The following HAVCR1 variants were observed in gnomAD, a reference collection of about 807,000 sequenced individuals.
The protein encoded by HAVCR1 is hepatitis A virus cellular receptor 1, also known as T cell immunoglobin domain and mucin domain protein 1.
A neutral mutation model predicts 32.0 loss-of-function variants in HAVCR1; 34 were observed. The observed-to-expected ratio is 1.06, with a 90% CI of 0.81 to 1.42. The LOEUF is 1.42. HAVCR1 is among the 40% of genes most tolerant of loss of function. The pLI is 0.00. For missense variants in HAVCR1, 420 were observed against 442.3 expected (o/e 0.95, Z 0.45); for synonymous variants, 178 against 170.3 (o/e 1.05, Z -0.35).
intron 5 of HAVCR1, among the ~76,000 whole-genome samples, chr5:157,044,367 A>C (rs1178459971): frequency 2.3e-5 from 2 of 86,132 alleles, no homozygotes; most frequent in East Asian, 6.7e-4. Context: ...GAAAGAAAGG[A>C]CGAAGGAAGG....
chr5:157,047,487 T>G (rs1755473773), intron 5 of HAVCR1, among the ~76,000 whole-genome samples: 1 of 151,798 alleles, frequency 6.6e-6, no homozygotes, highest in Non-Finnish European at 1.5e-5. Flanking sequence ...GGAGCAGAGG[T>G]TGCAGTGAGC....
chr5:157,046,937 C>T (rs1466203269), intron 5 of HAVCR1, among the ~76,000 whole-genome samples: 1 of 152,128 alleles, frequency 6.6e-6, no homozygotes, highest in Non-Finnish European at 1.5e-5. Flanking sequence ...TAGCTATCAA[C>T]ATGAATTTGG....
intron 7 of HAVCR1, 55 bp from the exon 8 acceptor site, chr5:157,032,942 AAG>A (rs1273369813): frequency 9.5e-7 from 1 of 1,047,144 alleles, no homozygotes; most frequent in African/African-American, 1.6e-5. Flanking sequence ...ACATCTCAGC[AAG>A]AGTTTTAATC....
the HAVCR1 span, among the ~76,000 whole-genome samples, chr5:157,064,286 G>A: frequency 6.7e-6 from 1 of 150,040 alleles, no homozygotes; most frequent in Non-Finnish European, 1.5e-5. Flanking sequence ...GCCAAGGCGG[G>A]AGGACTGCTT....
chr5:157,029,942 A>G, intron 8 of HAVCR1, 101 bp from the exon 9 acceptor site: 1 of 887,926 alleles, frequency 1.1e-6, no homozygotes, highest in Non-Finnish European at 1.7e-6. Flanking sequence ...AATATCAGGT[A>G]TTCGAGACTC....
At chr5:157,044,607 GAA>G (rs761111092) in intron 5 of HAVCR1, among the ~76,000 whole-genome samples, 1,463 of 70,234 alleles carry the variant, frequency 0.021, 96 homozygotes, top group African/African-American at 0.084. Flanking sequence ...AAGAAAGAAA[GAA>G]AGAAAGAGAA....
At chr5:157,032,506 G>A (rs772118765) in intron 8 of HAVCR1, among the ~76,000 whole-genome samples, 31 of 152,318 alleles carry the variant, frequency 2.0e-4, no homozygotes, top group Non-Finnish European at 3.1e-4. Context: ...CAGCAAGAGT[G>A]AAATTCAGTC....
chr5:157,058,047 A>G, intron 1 of HAVCR1, 92 bp from the exon 2 acceptor site: 1 of 903,614 alleles, frequency 1.1e-6, no homozygotes, highest in Non-Finnish European at 1.8e-6. Context: ...TTATCTTTTC[A>G]CCCAGTTGGT....
chr5:157,036,219 C>T (rs1754521108), intron 7 of HAVCR1, among the ~76,000 whole-genome samples: 1 of 152,136 alleles, frequency 6.6e-6, no homozygotes, highest in Non-Finnish European at 1.5e-5. Flanking sequence ...TGGCTCATGC[C>T]TGTAATCCCA....
intron 5 of HAVCR1, among the ~76,000 whole-genome samples, chr5:157,043,659 C>A (rs1006059463): frequency 3.3e-5 from 5 of 152,118 alleles, no homozygotes; most frequent in Non-Finnish European, 4.4e-5. Flanking sequence ...CAGAGTGAGA[C>A]CCTGTCCCCA....
intron 4 of HAVCR1, 111 bp downstream of exon 4, chr5:157,052,250 C>T: frequency 1.1e-6 from 1 of 926,790 alleles, no homozygotes; most frequent in East Asian, 2.4e-5. Flanking sequence ...CTGATTGAAA[C>T]CCAGGTAAGA....
At chr5:157,063,121 C>CAAAA (rs1186472025), upstream of HAVCR1, among the ~76,000 whole-genome samples, 7 of 129,272 alleles carry the variant, frequency 5.4e-5, no homozygotes, top group South Asian at 2.6e-4. Context: ...GATTCTGTCT[C>CAAAA]AAAAAAAAAA....
intron 7 of HAVCR1, among the ~76,000 whole-genome samples, chr5:157,033,878 C>T (rs1016281020): frequency 1.3e-5 from 2 of 152,134 alleles, no homozygotes; most frequent in Non-Finnish European, 2.9e-5. Context: ...ATGGTGAAAA[C>T]CCCATCTCTA....
chr5:157,038,318 C>T (rs1269779926), intron 6 of HAVCR1, among the ~76,000 whole-genome samples: 4 of 152,096 alleles, frequency 2.6e-5, no homozygotes, highest in African/African-American at 9.7e-5. Context: ...CCTGCTGGTC[C>T]CCATTTCATG....
At chr5:157,031,184 C>A (rs1754149769) in intron 8 of HAVCR1, among the ~76,000 whole-genome samples, 2 of 152,146 alleles carry the variant, frequency 1.3e-5, no homozygotes, top group Non-Finnish European at 2.9e-5. Context: ...GTGCCTCTCT[C>A]GCAGTTTATT....
chr5:157,034,381 T>C (rs1754400821), intron 7 of HAVCR1, among the ~76,000 whole-genome samples: 2 of 152,024 alleles, frequency 1.3e-5, no homozygotes, highest in South Asian at 2.1e-4. Context: ...TAAAGAGCAG[T>C]ATTGCTGCCA....
chr5:157,044,434 A>T (rs1426121287), intron 5 of HAVCR1, among the ~76,000 whole-genome samples: 2 of 33,806 alleles, frequency 5.9e-5, no homozygotes, highest in African/African-American at 3.4e-4. Context: ...AAAGAAAGAA[A>T]GAAAGAAAGA....
At chr5:157,041,116 C>T (rs955006781) in intron 6 of HAVCR1, among the ~76,000 whole-genome samples, 2 of 152,026 alleles carry the variant, frequency 1.3e-5, no homozygotes, top group African/African-American at 4.8e-5. Flanking sequence ...AGACTAAGTC[C>T]CTTAAATTTT....
At chr5:157,068,012 G>A in the HAVCR1 span, among the ~76,000 whole-genome samples, 6 of 149,958 alleles carry the variant, frequency 4.0e-5, no homozygotes, top group African/African-American at 1.5e-4. Flanking sequence ...ACAGCCGGAT[G>A]TATAATCCCA....
Sources: allele counts gnomAD v4.1 joint callset (sites outside exome capture counted in the v4.1 genomes callset), GRCh38; gene constraint gnomAD v4.1.1; transcripts MANE v1.5; gene names NCBI Gene and HGNC (gene_info 2026-07-23, HGNC 2026-07-21).